Variants in GALNT2 observed in about 807,000 individuals in gnomAD.
GALNT2 encodes the protein UDP-GalNAc:polypeptide N-acetylgalactosaminyltransferase 2.
A neutral mutation model predicts 81.4 loss-of-function variants in GALNT2; 31 were observed. The ratio of observed to expected loss-of-function variants is 0.38; its 90% CI spans 0.29 to 0.51. GALNT2 has a LOEUF of 0.51. Ranked by LOEUF, GALNT2 falls within the 20% of genes least tolerant of loss-of-function variation. The probability of loss-of-function intolerance (pLI) is 0.87; values close to 1 mark genes in which losing one functional copy is unlikely to be tolerated. For synonymous variants in GALNT2, 303 were observed against 287.4 expected (o/e 1.05, Z -0.55); for missense variants, 629 against 765.7 (o/e 0.82, Z 2.11).
intron 3 of GALNT2, among the ~76,000 whole-genome samples, chr1:230,218,863 G>A (rs1468407320): frequency 6.6e-6 from 1 of 152,240 alleles, no homozygotes; most frequent in Non-Finnish European, 1.5e-5. Flanking sequence ...CCACGCAGCA[G>A]GACGTGAGCA....
chr1:230,261,054 T>C (rs1477726845), intron 11 of GALNT2, among the ~76,000 whole-genome samples: 1 of 151,880 alleles, frequency 6.6e-6, no homozygotes, highest in African/African-American at 2.4e-5. Context: ...ATTTGATTCC[T>C]TCCTCATATT....
chr1:230,104,187 T>C (rs1036819701), intron 1 of GALNT2, among the ~76,000 whole-genome samples: 2 of 152,048 alleles, frequency 1.3e-5, no homozygotes, highest in Non-Finnish European at 2.9e-5. Context: ...TCTGGGGTGG[T>C]GGGGGGCCGA....
At chr1:230,094,997 G>A (rs770713533) in intron 1 of GALNT2, among the ~76,000 whole-genome samples, 5 of 152,174 alleles carry the variant, frequency 3.3e-5, no homozygotes, top group Non-Finnish European at 7.3e-5. Flanking sequence ...CGATGATGTC[G>A]TAGTTCACGG....
At chr1:230,179,388 A>G (rs1244696726) in intron 2 of GALNT2, among the ~76,000 whole-genome samples, 1 of 152,236 alleles carries the variant, frequency 6.6e-6, no homozygotes, top group Non-Finnish European at 1.5e-5. Context: ...GTTGTTTTCC[A>G]AAGTGGCTGT....
rs1261045451 is a variant in GALNT2, at chr1:230,250,401, A to G, written c.906-56A>G. The stretch of plus-strand genomic sequence containing the variant: ...TGGCCTTGGCGCAAGGGTGCTGGCA[A>G]TCTAACCTTGACTTTGCCCTCTCCT... On this transcript the variant is annotated intron_variant, in intron 9 of 15. Transcript: ENST00000366672. 21 of 1,366,080 alleles carry G rather than the reference A, an allele frequency of 1.5e-5. No individual in the cohort carries two copies. In the South Asian group the frequency reaches 1.7e-4, roughly 11 times the overall value. The allele number at this position is 1,366,080 out of a possible 1,614,324, so 84.6% of individuals were successfully genotyped here.
Position 230,275,682 on chromosome 1 carries a change from A to C in GALNT2, c.1560+1118A>C, listed in dbSNP as rs1344689674. On this transcript the variant is annotated intron_variant, in intron 15 of 15. Coordinates refer to ENST00000366672, the MANE Select transcript of GALNT2 (RefSeq NM_004481.5). The surrounding 1 kb of genome is among the most constrained non-coding windows in gnomAD (Gnocchi z 5.5). ...ACATATATACATGCCACATGTATAC[A>C]TATGTAAACACCACATATATATACA... 2.1e-5 allele frequency among the ~76,000 whole-genome samples: 3 copies of C among 141,796 alleles called. No individual in the cohort carries two copies. In the Admixed American group the frequency reaches 2.1e-4, roughly 10 times the overall value. 93.0% of individuals were successfully genotyped at this position (141,796 alleles called of 152,430 possible). A position where few individuals can be genotyped will look rare whatever the true frequency, so the allele number is the denominator to read the frequency against.
chr1:230,219,920 T>G (rs778747057), intron 3 of GALNT2, among the ~76,000 whole-genome samples: 30 of 152,198 alleles, frequency 2.0e-4, no homozygotes, highest in Non-Finnish European at 3.8e-4. Context: ...GCCTGGGCTT[T>G]CTTGTTTTGT....
At chr1:230,266,371 G>A (rs1666038509) in intron 14 of GALNT2, among the ~76,000 whole-genome samples, 1 of 152,174 alleles carries the variant, frequency 6.6e-6, no homozygotes, top group Admixed American at 6.5e-5. Context: ...GCACCAAAGG[G>A]TAATCCTGTG....
intron 1 of GALNT2, among the ~76,000 whole-genome samples, chr1:230,105,450 A>T (rs148676040): frequency 1.3e-5 from 2 of 152,246 alleles, no homozygotes; most frequent in South Asian, 2.1e-4. Context: ...TGCATCTTCC[A>T]TGGATGGTGT....
In GALNT2 at chr1:230,275,156, A is replaced by C. The variant is rs935624093; in HGVS notation, c.1560+592A>C. ...CACCACATATACATATATACACACCACATATACATATACCTGCCACATATA... is the reference window on the plus strand; with the variant it reads ...CACCACATATACATATATACACACCCCATATACATATACCTGCCACATATA... On this transcript the variant is annotated intron_variant, in intron 15 of 15. Coordinates refer to ENST00000366672, the MANE Select transcript of GALNT2 (RefSeq NM_004481.5). The surrounding 1 kb of genome is among the most constrained non-coding windows in gnomAD (Gnocchi z 5.5). Among the ~76,000 whole-genome samples the C allele has an allele frequency of 1.3e-5, 2 of 151,564 alleles. No homozygotes were observed. The highest frequency in any genetic ancestry group is 2.9e-5 in the Non-Finnish European group (2 of 67,824).
chr1:230,191,899 C>T (rs556127495), intron 2 of GALNT2, among the ~76,000 whole-genome samples: 1 of 152,354 alleles, frequency 6.6e-6, no homozygotes, highest in African/African-American at 2.4e-5. Context: ...AAACGGGGGG[C>T]TCCCCATGCT....
At chr1:230,150,721 T>C (rs535135367) in intron 1 of GALNT2, among the ~76,000 whole-genome samples, 36 of 152,386 alleles carry the variant, frequency 2.4e-4, no homozygotes, top group African/African-American at 8.4e-4. Context: ...CGCTGCGACA[T>C]TCAGCCTCTC....
At chr1:230,188,712 G>A (rs1390978554) in intron 2 of GALNT2, among the ~76,000 whole-genome samples, 1 of 151,992 alleles carries the variant, frequency 6.6e-6, no homozygotes, top group African/African-American at 2.4e-5. Context: ...TAAACTCTGT[G>A]ACCCTTGCTT....
chr1:230,130,023 A>C (rs1168977712), intron 1 of GALNT2, among the ~76,000 whole-genome samples: 2 of 152,194 alleles, frequency 1.3e-5, no homozygotes, highest in East Asian at 3.9e-4. Flanking sequence ...CATGACCTCC[A>C]TGTTCTTACT....
chr1:230,141,908 T>A (rs1388108400), intron 1 of GALNT2, among the ~76,000 whole-genome samples: 1 of 148,194 alleles, frequency 6.7e-6, no homozygotes, highest in African/African-American at 2.5e-5. Flanking sequence ...CGCCTCTGCC[T>A]CCCAAGTAGC....
At chr1:230,071,264 G>T (rs1659363624) in intron 1 of GALNT2, among the ~76,000 whole-genome samples, 1 of 152,042 alleles carries the variant, frequency 6.6e-6, no homozygotes, top group Non-Finnish European at 1.5e-5. Context: ...TTGGGGTTTG[G>T]GCTATGAATC....
chr1:230,169,059 G>GT (rs765498289), intron 1 of GALNT2, among the ~76,000 whole-genome samples: 1 of 152,160 alleles, frequency 6.6e-6, no homozygotes. Context: ...TTTGTTTGAT[G>GT]TTTTTTCTCA....
At chr1:230,104,051 G>A (rs937623971) in intron 1 of GALNT2, among the ~76,000 whole-genome samples, 4 of 152,168 alleles carry the variant, frequency 2.6e-5, no homozygotes, top group Admixed American at 2.0e-4. Flanking sequence ...TACTGAGTGC[G>A]AGGCAGTCAT....
chr1:230,146,504 G>A (rs1365312888), intron 1 of GALNT2, among the ~76,000 whole-genome samples: 1 of 152,134 alleles, frequency 6.6e-6, no homozygotes, highest in Non-Finnish European at 1.5e-5. Context: ...AGCAGGTGTG[G>A]GCTCAGAAAA....
Sources: allele counts gnomAD v4.1 joint callset (sites outside exome capture counted in the v4.1 genomes callset), GRCh38; gene constraint gnomAD v4.1.1; non-coding constraint Gnocchi (gnomAD v3.1); transcripts MANE v1.5; gene names NCBI Gene and HGNC (gene_info 2026-07-23, HGNC 2026-07-21).